The following ATP6AP1 variants were observed in gnomAD, a reference collection of about 807,000 sequenced individuals.
The protein encoded by ATP6AP1 is ATPase H+ transporting accessory protein 1, also known as V-type proton ATPase subunit S1.
A neutral mutation model predicts 32.0 loss-of-function variants in ATP6AP1; 1 was observed. The observed-to-expected ratio is 0.03, with a 90% CI of 0.01 to 0.15. The LOEUF is 0.15. Ranked by LOEUF, ATP6AP1 falls within the 10% of genes least tolerant of loss-of-function variation. The pLI is 1.00. For missense variants in ATP6AP1, 297 were observed against 398.8 expected (o/e 0.74, Z 2.17); for synonymous variants, 187 against 174.9 (o/e 1.07, Z -0.55).
At chrX:154,433,463 G>T (rs934090577) in intron 5 of ATP6AP1, among the ~76,000 whole-genome samples, 172 bp from the exon 6 acceptor site, 2 of 111,669 alleles carry the variant, frequency 1.8e-5, no homozygotes, top group Admixed American at 1.9e-4. Context: ...GTCTCTGGGG[G>T]AGGCTGGGAA....
At chrX:154,429,449 T>C (rs1015762964) in intron 2 of ATP6AP1, 12 of 291,262 alleles carry the variant, frequency 4.1e-5, no homozygotes, top group Non-Finnish European at 7.5e-5. Flanking sequence ...CTTAGTCCAA[T>C]ATGGTGGGTG....
At position 154,431,947 on chromosome X, in the gene ATP6AP1, T is replaced by G. The variant is rs1459103827; in HGVS notation, c.363+43T>G. ...GCCAGGGGCCATGGGGGACATTCTG[T>G]GCTCCTTCTCCCAGCATAAGAACTG... On this transcript the variant is annotated intron_variant, in intron 3 of 9. Coordinates refer to ENST00000369762, the MANE Select transcript of ATP6AP1 (RefSeq NM_001183.6). The G allele has an allele frequency of 2.6e-6, 3 of 1,166,644 alleles. No homozygotes were observed. The Admixed American group carries it at 6.6e-5, about 26-fold the overall frequency.
At chrX:154,432,245 T>C in intron 3 of ATP6AP1, 21 bp from the exon 4 acceptor site, 1 of 1,176,836 alleles carries the variant, frequency 8.5e-7, no homozygotes, top group Non-Finnish European at 1.1e-6. Context: ...AACTCACCTT[T>C]TGCCTCTCCC....
In ATP6AP1 at chrX:154,432,797, G is replaced by C. The variant is rs1475410029; in HGVS notation, c.558-134G>C. On this transcript the variant is annotated intron_variant, in intron 4 of 9. Coordinates refer to ENST00000369762, the MANE Select transcript of ATP6AP1 (RefSeq NM_001183.6). ...TCGGGGTGGGATGGGCTTCCAGGAG[G>C]GGGCACTGAGGTAAGAGTGTGCAGG... The C allele has an allele frequency of 1.7e-5, 13 of 762,993 alleles. No homozygotes were observed. In the Admixed American group the frequency reaches 3.2e-4, roughly 19 times the overall value. The allele number at this position is 762,993 out of a possible 1,213,427, so 62.9% of individuals were successfully genotyped here.
At chrX:154,433,088 G>A (rs1209180208) in intron 5 of ATP6AP1, 117 bp downstream of exon 5, 9 of 885,576 alleles carry the variant, frequency 1.0e-5, no homozygotes, top group South Asian at 6.7e-5. Context: ...CCTGCTTCTC[G>A]GGGCAGCTGG....
chrX:154,431,937 G>A, intron 3 of ATP6AP1, 33 bp downstream of exon 3: 5 of 1,183,901 alleles, frequency 4.2e-6, no homozygotes, highest in Non-Finnish European at 1.1e-6. Flanking sequence ...GGGCCATGGG[G>A]GACATTCTGT....
At chrX:154,431,556 CCTA>C in intron 2 of ATP6AP1, 1 of 315,349 alleles carries the variant, frequency 3.2e-6, no homozygotes, top group East Asian at 5.6e-5. Flanking sequence ...GCGGCTGACT[CCTA>C]CTCCTGAGTT....
rs1557196234 is a variant in ATP6AP1 at position 154,428,732 on chromosome X, C to T, written c.40C>T (p.Pro14Ser). The change falls in exon 1 of 10, where the codon CCG becomes TCG. Residue 14 changes from proline to serine, a missense_variant. Pro to Ser is a moderately conservative substitution (Grantham distance 74, BLOSUM62 -1). Around this residue, in one of 2 missense-constraint regions of ATP6AP1, gnomAD observed 142 missense variants for 145.0 expected, o/e 0.98. Coordinates refer to ENST00000369762, the MANE Select transcript of ATP6AP1 (RefSeq NM_001183.6). ...AMATARVRMG[P>S]RCAQALWRMP... Reference sequence around the variant, plus strand: ...GGCGACGGCTCGAGTGCGGATGGGGCCGCGGTGCGCCCAGGCGCTCTGGCG... The same window carrying T: ...GGCGACGGCTCGAGTGCGGATGGGGTCGCGGTGCGCCCAGGCGCTCTGGCG... 1 of 1,147,953 alleles carries T rather than the reference C, an allele frequency of 8.7e-7. No individual in the cohort carries two copies. The highest frequency in any genetic ancestry group is 1.2e-6 in the Non-Finnish European group (1 of 867,996). 94.6% of individuals were successfully genotyped at this position (1,147,953 alleles called of 1,213,427 possible).
chrX:154,432,572 T>G, intron 4 of ATP6AP1, 113 bp downstream of exon 4: 1 of 989,297 alleles, frequency 1.0e-6, no homozygotes, highest in Non-Finnish European at 1.3e-6. Flanking sequence ...CCCCACCCCC[T>G]CACAGCCCTT....
At chrX:154,431,180 G>A (rs1368362350) in intron 2 of ATP6AP1, 1 of 112,125 alleles carries the variant, frequency 8.9e-6, no homozygotes, top group Non-Finnish European at 1.9e-5. Flanking sequence ...TAGGGAAGCT[G>A]ATTAAAATCT....
intron 3 of ATP6AP1, 125 bp downstream of exon 3, chrX:154,432,029 C>A (rs1322531654): frequency 1.3e-6 from 1 of 785,490 alleles, no homozygotes; most frequent in Admixed American, 2.9e-5. Flanking sequence ...GTCAACCATC[C>A]CCCCCAAAAA....
intron 7 of ATP6AP1, 146 bp from the exon 8 acceptor site, chrX:154,434,993 A>G: frequency 1.6e-6 from 1 of 624,148 alleles, no homozygotes; most frequent in Non-Finnish European, 2.5e-6. Flanking sequence ...CAGTTTTCCT[A>G]TCTGTCAAGT....
At chrX:154,431,463 C>T in intron 2 of ATP6AP1, 1 of 196,978 alleles carries the variant, frequency 5.1e-6, no homozygotes, top group Non-Finnish European at 9.4e-6. Context: ...GGAGGCCTGC[C>T]ACAAATGCTC....
chrX:154,432,217 G>A, intron 3 of ATP6AP1, 49 bp from the exon 4 acceptor site: 1 of 1,098,973 alleles, frequency 9.1e-7, no homozygotes, highest in African/African-American at 1.8e-5. Flanking sequence ...GCTGGGCCAG[G>A]CCCACTGGCC....
At position 154,434,305 on chromosome X, in the gene ATP6AP1, A is replaced by G. The variant is rs782357366; in HGVS notation, c.782A>G (p.Asn261Ser). Residue 261 changes from asparagine (N) to serine (S), a missense_variant, in exon 7 of 10, where the codon AAT (asparagine) becomes AGT (serine). By Grantham distance (46) the Asn-to-Ser change is conservative (BLOSUM62 1). This residue lies in a region of ATP6AP1 where 155 missense variants were observed against 253.8 expected (regional missense o/e 0.61). Transcript: ENST00000369762. ...SPVIHPPVSY[N>S]DTAPRILFWA... ...GTGATCCATCCTCCTGTGAGTTACA[A>G]TGACACCGCTCCCCGGATCCTGTTC... The G allele has an allele frequency of 5.0e-6, 6 of 1,209,923 alleles. No individual in the cohort carries two copies. Among genetic ancestry groups the G allele is most frequent in the South Asian group, 1.8e-5 (1 of 56,809 alleles).
intron 2 of ATP6AP1, chrX:154,431,607 G>A (rs2068693752): frequency 7.2e-6 from 3 of 417,086 alleles, no homozygotes; most frequent in Non-Finnish European, 1.3e-5. Context: ...CCCACCCCAT[G>A]ACTGCCTTCC....
In ATP6AP1 at chrX:154,429,077, A is replaced by G. The variant is rs782270669; in HGVS notation, c.191A>G (p.His64Arg). Residue 64 changes from histidine (H) to arginine (R), a missense_variant, in exon 2 of 10, where the codon CAT becomes CGT. By Grantham distance (29) the His-to-Arg change is conservative (BLOSUM62 0). Around this residue, in one of 2 missense-constraint regions of ATP6AP1, gnomAD observed 142 missense variants for 145.0 expected, o/e 0.98. Transcript: ENST00000369762. ...RDLWAPAADT[H>R]EGHITSDLQL... ...TTGTGGGCTCCTGCGGCCGACACTCATGAAGGCCACATCACCAGCGACTTG... is the reference window on the plus strand; with the variant it reads ...TTGTGGGCTCCTGCGGCCGACACTCGTGAAGGCCACATCACCAGCGACTTG... 2.5e-6 allele frequency: 3 copies of G among 1,211,680 alleles called. No individual in the cohort carries two copies. Among genetic ancestry groups the G allele is most frequent in the Admixed American group, 2.2e-5 (1 of 46,091 alleles).
In ATP6AP1 at chrX:154,432,907, T is replaced by G. The variant is rs1569553257; in HGVS notation, c.558-24T>G. 4.1e-6 allele frequency: 5 copies of G among 1,210,757 alleles called. No individual in the cohort carries two copies. The Admixed American group carries it at 1.1e-4, about 26-fold the overall frequency. Reference sequence around the variant, plus strand: ...GCAGGTCCAGGCCGCCTGAGGACTCTGGCGCTCTGTTTGTCTTCCATAGCT... The same window carrying G: ...GCAGGTCCAGGCCGCCTGAGGACTCGGGCGCTCTGTTTGTCTTCCATAGCT... On this transcript the variant is annotated intron_variant, in intron 4 of 9. Transcript: ENST00000369762.
In ATP6AP1 at chrX:154,432,411, A is replaced by G. The variant is rs146873302; in HGVS notation, c.509A>G (p.Asn170Ser). ...GCCACCCTGCGGGAGCTGAAGCTCA[A>G]TGCCAGCCTCCCTGCTCTGCTGCTC... Reference protein sequence around the residue: ...DLATLRELKLNASLPALLLIR... With the variant: ...DLATLRELKLSASLPALLLIR... The change falls in exon 4 of 10, where the codon AAT (asparagine) becomes AGT (serine). Residue 170 changes from asparagine to serine, a missense_variant. This residue lies in a region of ATP6AP1 where 142 missense variants were observed against 145.0 expected (regional missense o/e 0.98). Coordinates refer to ENST00000369762, the MANE Select transcript of ATP6AP1 (RefSeq NM_001183.6). 8.3e-6 allele frequency: 10 copies of G among 1,204,486 alleles called. No individual in the cohort carries two copies. Among genetic ancestry groups the G allele is most frequent in the Non-Finnish European group, 1.1e-5 (10 of 891,804 alleles).
Sources: gnomAD v4.1 joint callset for allele counts (sites outside exome capture counted in the v4.1 genomes callset) on GRCh38, gnomAD v4.1.1 for gene constraint, gnomAD v4.1.1 regional missense constraint, MANE v1.5 for transcripts, NCBI Gene and HGNC (gene_info 2026-07-23, HGNC 2026-07-21) for gene names.